The following ANKRD44 variants were observed in gnomAD, a reference collection of about 807,000 sequenced individuals.
ANKRD44 encodes ankyrin repeat domain 44.
ANKRD44 carries 35 observed loss-of-function variants against 116.0 expected under a neutral mutation model. That is an observed-to-expected ratio of 0.30 (90% CI 0.23 to 0.40). The LOEUF (loss-of-function observed/expected upper bound fraction) is 0.40, where lower values mean the gene tolerates loss of function less well. ANKRD44 is among the 10% of genes least tolerant of loss of function. The probability of loss-of-function intolerance (pLI) is 1.00; values close to 1 mark genes in which losing one functional copy is unlikely to be tolerated. For missense variants in ANKRD44, 1,014 were observed against 1,242.6 expected (o/e 0.82, Z 2.77); for synonymous variants, 435 against 461.8 (o/e 0.94, Z 0.74).
chr2:197,115,729 C>A (rs146792527), intron 8 of ANKRD44, among the ~76,000 whole-genome samples: 77 of 152,250 alleles, frequency 5.1e-4, no homozygotes, highest in Non-Finnish European at 9.1e-4. Context: ...CTTTCAAAAT[C>A]CAAGGAGCAA....
In ANKRD44 at chr2:197,177,858, T is replaced by C. The variant is rs371979661; in HGVS notation, c.111+9165A>G. On this transcript the variant is annotated intron_variant, in intron 2 of 27. Transcript: ENST00000282272. The stretch of plus-strand genomic sequence containing the variant: ...GAAGAGCTTACCTTTCAATATGTAA[T>C]AAATACATATGCAGATAAATACAAA... Among the ~76,000 whole-genome samples, 9 of 152,330 alleles carry C rather than the reference T, an allele frequency of 5.9e-5. No homozygotes were observed. The South Asian group carries it at 1.7e-3, about 28-fold the overall frequency.
intron 8 of ANKRD44, 138 bp from the exon 9 acceptor site, chr2:197,110,982 A>T: frequency 1.5e-6 from 1 of 648,406 alleles, no homozygotes. Flanking sequence ...TATGATCAAC[A>T]TGAGGCTGCA....
At chr2:197,085,941 T>C (rs913685479) in intron 13 of ANKRD44, among the ~76,000 whole-genome samples, 2 of 151,856 alleles carry the variant, frequency 1.3e-5, no homozygotes, top group African/African-American at 2.4e-5. Context: ...TCCATAAGAA[T>C]AGTGTGAGGT....
At chr2:196,999,243 C>A (rs1455673319) in intron 23 of ANKRD44, among the ~76,000 whole-genome samples, 191 bp from the exon 24 acceptor site, 1 of 152,134 alleles carries the variant, frequency 6.6e-6, no homozygotes, top group Non-Finnish European at 1.5e-5. Context: ...GGGACTGGAA[C>A]CCCCTAGATT....
intron 21 of ANKRD44, among the ~76,000 whole-genome samples, chr2:196,971,891 G>A (rs2075718264): frequency 6.6e-6 from 1 of 152,160 alleles, no homozygotes; most frequent in East Asian, 1.9e-4. Context: ...CCAAGATGAT[G>A]AAATAGCCTA....
At chr2:197,150,502 T>C (rs909768622) in intron 2 of ANKRD44, among the ~76,000 whole-genome samples, 9 of 151,788 alleles carry the variant, frequency 5.9e-5, no homozygotes, top group African/African-American at 2.2e-4. Context: ...TGAGCCAAGA[T>C]CGCGCCACTG....
chr2:196,996,313 C>T (rs116391594), intron 25 of ANKRD44, among the ~76,000 whole-genome samples: 22 of 152,326 alleles, frequency 1.4e-4, no homozygotes, highest in Non-Finnish European at 2.5e-4. Context: ...TTGAAATAAA[C>T]TTCATAAGGC....
chr2:197,029,519 C>T, intron 16 of ANKRD44: 5 of 479,228 alleles, frequency 1.0e-5, no homozygotes, highest in South Asian at 7.5e-5. Flanking sequence ...CATCTAACTT[C>T]CAGAAAGCAC....
chr2:197,186,640 T>TTTTTTTTTTTTTTTTTTTTTTTTTC, intron 2 of ANKRD44, among the ~76,000 whole-genome samples: 1 of 122,730 alleles, frequency 8.1e-6, no homozygotes, highest in African/African-American at 3.7e-5. Context: ...TTTTTTTTTT[T>TTTTTTTTTTTTTTTTTTTTTTTTTC]TTTTTTTAGA....
At chr2:197,066,749 C>G (rs910384927) in intron 16 of ANKRD44, among the ~76,000 whole-genome samples, 12 of 152,180 alleles carry the variant, frequency 7.9e-5, no homozygotes, top group East Asian at 5.8e-4. Flanking sequence ...CCTCTTCAAG[C>G]AGAACTACAA....
chr2:197,146,078 G>T (rs1460418845), intron 3 of ANKRD44, among the ~76,000 whole-genome samples: 3 of 152,048 alleles, frequency 2.0e-5, no homozygotes, highest in East Asian at 1.9e-4. Flanking sequence ...GAGCATACAG[G>T]TTTCCAAAAA....
intron 21 of ANKRD44, among the ~76,000 whole-genome samples, chr2:196,971,626 T>C (rs1011435425): frequency 2.0e-5 from 3 of 152,214 alleles, no homozygotes; most frequent in African/African-American, 7.2e-5. Flanking sequence ...CAATAAACAT[T>C]TTGGCATGCG....
chr2:197,057,008 T>C (rs1200538640), intron 16 of ANKRD44, among the ~76,000 whole-genome samples: 3 of 152,208 alleles, frequency 2.0e-5, no homozygotes, highest in Non-Finnish European at 4.4e-5. Context: ...TCTTCCTCTA[T>C]TGCACCAGCT....
At chr2:197,204,280 A>G (rs1054248791) in intron 1 of ANKRD44, among the ~76,000 whole-genome samples, 1 of 152,146 alleles carries the variant, frequency 6.6e-6, no homozygotes, top group Non-Finnish European at 1.5e-5. Context: ...CTAGAAGAAA[A>G]TTTATAAAAA....
intron 17 of ANKRD44, among the ~76,000 whole-genome samples, chr2:197,017,356 A>C (rs2076412048): frequency 6.6e-6 from 1 of 152,200 alleles, no homozygotes; most frequent in African/African-American, 2.4e-5. Flanking sequence ...TAGAGTAATA[A>C]ATGCATGGAC....
At chr2:197,125,075 A>G (rs565961064) in intron 6 of ANKRD44, among the ~76,000 whole-genome samples, 1 of 152,368 alleles carries the variant, frequency 6.6e-6, no homozygotes, top group African/African-American at 2.4e-5. Flanking sequence ...ACCTTATTTT[A>G]CTGCCATGAC....
chr2:196,999,796 T>C (rs1028711974), intron 23 of ANKRD44, among the ~76,000 whole-genome samples: 2 of 152,036 alleles, frequency 1.3e-5, no homozygotes, highest in African/African-American at 4.8e-5. Context: ...GGTTTCACCA[T>C]GTTAGCTAGG....
intron 3 of ANKRD44, among the ~76,000 whole-genome samples, chr2:197,138,031 G>A (rs1046105761): frequency 6.6e-6 from 1 of 152,190 alleles, no homozygotes; most frequent in Non-Finnish European, 1.5e-5. Flanking sequence ...GTCAGAAGAT[G>A]TAGATTTGAG....
Position 197,310,596 on chromosome 2 carries a change from C to G in ANKRD44, c.9G>C (p.Val3=), listed in dbSNP as rs1317049629. 1.5e-6 allele frequency: 2 copies of G among 1,314,896 alleles called. No homozygotes were observed. Among genetic ancestry groups the G allele is most frequent in the South Asian group, 1.5e-5 (1 of 68,114 alleles). The allele number at this position is 1,314,896 out of a possible 1,614,324, so 81.5% of individuals were successfully genotyped here. A position where few individuals can be genotyped will look rare whatever the true frequency, so the allele number is the denominator to read the frequency against. The change falls in exon 1 of 28, where the codon GTG becomes GTC. Residue 3 remains valine (V), a synonymous_variant. Transcript: ENST00000282272. MA[V]LKLTDQPPLV... is the part of the protein sequence containing the mutation. ...CCGCTACCTGGTCGGTGAGTTTGAG[C>G]ACTGCCATTCTTCCGCTCCTTCGCG...
Sources: allele counts gnomAD v4.1 joint callset (sites outside exome capture counted in the v4.1 genomes callset), GRCh38; gene constraint gnomAD v4.1.1; transcripts MANE v1.5; gene names NCBI Gene and HGNC (gene_info 2026-07-23, HGNC 2026-07-21).